TCERG1L: variants seen among roughly 807,000 people sequenced by gnomAD.
TCERG1L encodes transcription elongation regulator 1-like protein.
TCERG1L carries 37 observed loss-of-function variants against 56.3 expected under a neutral mutation model. That is an observed-to-expected ratio of 0.66 (90% CI 0.51 to 0.87). The LOEUF (loss-of-function observed/expected upper bound fraction) is 0.87, where lower values mean the gene tolerates loss of function less well. TCERG1L is among the 40% of genes least tolerant of loss of function. TCERG1L has a pLI of 0.00. For missense variants in TCERG1L, 799 were observed against 774.2 expected (o/e 1.03, Z -0.38); for synonymous variants, 324 against 326.3 (o/e 0.99, Z 0.08).
At chr10:131,153,926 T>C (rs7096607) in intron 6 of TCERG1L, among the ~76,000 whole-genome samples, 30,754 of 152,158 alleles carry the variant, frequency 0.2, 3,476 homozygotes, top group East Asian at 0.35. Context: ...AGAGCGGGTA[T>C]GGAGTTGAAC....
intron 9 of TCERG1L, 92 bp downstream of exon 9, chr10:131,116,707 T>C: frequency 6.7e-7 from 1 of 1,495,756 alleles, no homozygotes; most frequent in Non-Finnish European, 9.0e-7. Context: ...ATGAACTCAG[T>C]GAGGAGGCGA....
chr10:131,253,262 G>A (rs895378671), intron 4 of TCERG1L, among the ~76,000 whole-genome samples: 1 of 152,186 alleles, frequency 6.6e-6, no homozygotes, highest in Non-Finnish European at 1.5e-5. Context: ...ACTGACAATG[G>A]TGCAGAAGAA....
In TCERG1L at chr10:131,228,972, CCGGAGTCTTCCCTCCAG is replaced by C. The variant is rs1403634023; in HGVS notation, c.856+31270_856+31286del. ...CCAGACAGGCATTTCCTCAAGGCCTCCGGAGTCTTCCCTCCAGACAGGCATTCCTCAAGGTCTCTGGA... is the reference window on the plus strand; with the variant it reads ...CCAGACAGGCATTTCCTCAAGGCCTCACAGGCATTCCTCAAGGTCTCTGGA... On this transcript the variant is annotated intron_variant, in intron 4 of 11. Transcript: ENST00000368642. 1.5e-4 allele frequency among the ~76,000 whole-genome samples: 12 copies of C among 77,548 alleles called. 5 individuals carry two copies. Among genetic ancestry groups the C allele is most frequent in the Non-Finnish European group, 1.8e-4 (7 of 39,944 alleles). 50.9% of individuals were successfully genotyped at this position (77,548 alleles called of 152,430 possible).
chr10:131,305,238 C>T (rs955763492), intron 3 of TCERG1L, among the ~76,000 whole-genome samples: 2 of 152,022 alleles, frequency 1.3e-5, no homozygotes, highest in African/African-American at 4.8e-5. Flanking sequence ...TCAAAAATGG[C>T]CAACAGGCTT....
intron 6 of TCERG1L, among the ~76,000 whole-genome samples, chr10:131,159,443 C>A (rs953642873): frequency 6.6e-6 from 1 of 152,126 alleles, no homozygotes; most frequent in Non-Finnish European, 1.5e-5. Flanking sequence ...AAGTTCACGG[C>A]GGCCACAGTC....
chr10:131,119,601 T>C (rs1453095021), intron 8 of TCERG1L, among the ~76,000 whole-genome samples: 2 of 152,248 alleles, frequency 1.3e-5, no homozygotes, highest in Non-Finnish European at 2.9e-5. Flanking sequence ...TTCAGCACAA[T>C]ACTCTGTGCA....
At chr10:131,175,806 G>T (rs2133445076) in intron 4 of TCERG1L, among the ~76,000 whole-genome samples, 1 of 152,320 alleles carries the variant, frequency 6.6e-6, no homozygotes, top group Middle Eastern at 3.4e-3. Context: ...TGGCTAGATG[G>T]AGGAGGAGGA....
intron 4 of TCERG1L, among the ~76,000 whole-genome samples, chr10:131,258,863 A>G (rs183911423): frequency 1.3e-5 from 2 of 152,378 alleles, no homozygotes; most frequent in East Asian, 3.9e-4. Flanking sequence ...CCCCTGAGGT[A>G]CACAGCTTTT....
intron 9 of TCERG1L, among the ~76,000 whole-genome samples, chr10:131,108,097 A>G (rs564826320): frequency 6.6e-6 from 1 of 152,132 alleles, no homozygotes; most frequent in African/African-American, 2.4e-5. Flanking sequence ...AAGTCCGTCT[A>G]TGTCGTGGGA....
At chr10:131,146,740 A>T in intron 6 of TCERG1L, 80 bp from the exon 7 acceptor site, 1 of 1,458,296 alleles carries the variant, frequency 6.9e-7, no homozygotes, top group Admixed American at 2.2e-5. Context: ...TCTCACTGAA[A>T]AAGCCCCTCA....
intron 9 of TCERG1L, among the ~76,000 whole-genome samples, chr10:131,110,248 G>A (rs1845397765): frequency 6.6e-6 from 1 of 152,184 alleles, no homozygotes; most frequent in South Asian, 2.1e-4. Context: ...AAAGCATTTG[G>A]TCATGGTCAT....
At chr10:131,158,570 A>C (rs913448931) in intron 6 of TCERG1L, among the ~76,000 whole-genome samples, 1 of 152,214 alleles carries the variant, frequency 6.6e-6, no homozygotes, top group Non-Finnish European at 1.5e-5. Context: ...TGTGATATGC[A>C]AGAGGAATTC....
intron 8 of TCERG1L, among the ~76,000 whole-genome samples, chr10:131,122,779 G>A (rs1006998666): frequency 1.3e-5 from 2 of 152,186 alleles, no homozygotes; most frequent in African/African-American, 2.4e-5. Context: ...GGGTAGACTG[G>A]GGACCCACTT....
At chr10:131,133,837 G>A (rs1008179078) in intron 8 of TCERG1L, among the ~76,000 whole-genome samples, 72 of 152,330 alleles carry the variant, frequency 4.7e-4, no homozygotes, top group Non-Finnish European at 7.8e-4. Context: ...TGGAAGGAGA[G>A]CTTCCCACTG....
intron 9 of TCERG1L, among the ~76,000 whole-genome samples, chr10:131,114,974 G>A (rs1365175480): frequency 2.6e-5 from 4 of 152,236 alleles, no homozygotes; most frequent in African/African-American, 9.6e-5. Context: ...GCAGTCCGAG[G>A]GACACAGCAG....
At position 131,146,658 on chromosome 10, in the gene TCERG1L, C is replaced by T. The variant is rs971586760; in HGVS notation, c.1037G>A (p.Cys346Tyr). 5.0e-6 allele frequency: 8 copies of T among 1,609,824 alleles called. No individual in the cohort carries two copies. The highest frequency in any genetic ancestry group is 6.8e-6 in the Non-Finnish European group (8 of 1,177,878). ...ASTPVPGSPW[C>Y]VVWTGDDRVF... The stretch of plus-strand genomic sequence containing the variant: ...TCGGTCATCGCCCGTCCAGACCACA[C>T]ACCTGTTTGAGTGGAAAAACTCATC... Residue 346 changes from cysteine to tyrosine, a missense_variant and splice_region_variant, in exon 7 of 12, where the codon TGT becomes TAT. Cys to Tyr is a radical substitution (Grantham distance 194). Coordinates refer to ENST00000368642, the MANE Select transcript of TCERG1L (RefSeq NM_174937.4).
chr10:131,129,684 G>A (rs921411288), intron 8 of TCERG1L, among the ~76,000 whole-genome samples: 1 of 152,146 alleles, frequency 6.6e-6, no homozygotes, highest in African/African-American at 2.4e-5. Flanking sequence ...GTCTTTGATG[G>A]AAATCACTCG....
At chr10:131,280,236 C>T (rs751812816) in intron 3 of TCERG1L, among the ~76,000 whole-genome samples, 7 of 150,946 alleles carry the variant, frequency 4.6e-5, no homozygotes, top group Non-Finnish European at 8.8e-5. Flanking sequence ...ATGAGCCTCT[C>T]CAAAGGAGGC....
chr10:131,206,268 G>A (rs1410917669), intron 4 of TCERG1L, among the ~76,000 whole-genome samples: 1 of 152,206 alleles, frequency 6.6e-6, no homozygotes. Context: ...CGGACCGGCT[G>A]GCAGCCTGGG....
Sources: allele counts gnomAD v4.1 joint callset (sites outside exome capture counted in the v4.1 genomes callset), GRCh38; gene constraint gnomAD v4.1.1; transcripts MANE v1.5; gene names NCBI Gene and HGNC (gene_info 2026-07-23, HGNC 2026-07-21).